Variants in CSDE1 observed in about 807,000 individuals in gnomAD.
The protein encoded by CSDE1 is cold shock domain-containing protein E1.
CSDE1 carries 17 observed loss-of-function variants against 89.3 expected under a neutral mutation model. The observed-to-expected ratio is 0.19, with a 90% confidence interval of 0.13 to 0.29. The LOEUF (loss-of-function observed/expected upper bound fraction) is 0.29. CSDE1 is among the 10% of genes least tolerant of loss of function. CSDE1 has a pLI of 1.00. For synonymous variants in CSDE1, 322 were observed against 332.8 expected, an observed-to-expected ratio of 0.97 and a Z score of 0.35; for missense variants, 672 against 984.2, an observed-to-expected ratio of 0.68 and a Z score of 4.24.
chr1:114,751,582 T>C (rs1345942015), intron 1 of CSDE1, among the ~76,000 whole-genome samples: 1 of 152,122 alleles, frequency 6.6e-6, no homozygotes, highest in Non-Finnish European at 1.5e-5. Context: ...CCTTCAAATA[T>C]CAAATGTTAC....
chr1:114,739,857 C>T lies in CSDE1; in HGVS notation c.34G>A (p.Gly12Arg). 6.2e-7 allele frequency: 1 copy of T among 1,614,032 alleles called. No homozygotes were observed. Among genetic ancestry groups the T allele is most frequent in the Non-Finnish European group, 8.5e-7 (1 of 1,179,972 alleles). ...SFDPNLLHNN[G>R]HNGYPNGTSA... ...GTACCATTAGGGTACCCATTATGTC[C>T]ATTGTTGTGGAGAAGGTTTGGATCA... is the stretch of plus-strand genomic sequence containing the variant. Residue 12 changes from glycine (G) to arginine (R), a missense_variant, in exon 3 of 20, where the codon GGA becomes AGA. Coordinates refer to ENST00000358528, the MANE Select transcript of CSDE1 (RefSeq NM_001007553.3).
At chr1:114,732,045 C>A (rs1660130911) in intron 10 of CSDE1, among the ~76,000 whole-genome samples, 1 of 150,422 alleles carries the variant, frequency 6.6e-6, no homozygotes, top group Admixed American at 6.6e-5. Context: ...GAACTCCTGA[C>A]CTCAAGTGAT....
chr1:114,750,851 A>G (rs796309571), intron 1 of CSDE1, among the ~76,000 whole-genome samples: 102 of 152,362 alleles, frequency 6.7e-4, no homozygotes, highest in African/African-American at 2.3e-3. Flanking sequence ...ATATGCCACT[A>G]AATTCTTTCT....
At chr1:114,742,935 TATA>T (rs1376716456) in intron 2 of CSDE1, among the ~76,000 whole-genome samples, 3 of 152,252 alleles carry the variant, frequency 2.0e-5, no homozygotes, top group Non-Finnish European at 4.4e-5. Context: ...GTAAACTTTT[TATA>T]ATATCCCTCA....
intron 2 of CSDE1, among the ~76,000 whole-genome samples, chr1:114,745,702 T>C (rs1425439205): frequency 6.6e-6 from 1 of 152,238 alleles, no homozygotes; most frequent in Non-Finnish European, 1.5e-5. Flanking sequence ...TTAGACCTTC[T>C]ACCCTTTTCT....
Position 114,717,201 on chromosome 1 carries a change from A to T in CSDE1, c.*968T>A, listed in dbSNP as rs1454079558. The T allele has an allele frequency of 6.6e-6, 1 of 152,562 alleles. No individual in the cohort carries two copies. Among genetic ancestry groups the T allele is most frequent in the Non-Finnish European group, 1.5e-5 (1 of 68,046 alleles). 9.5% of individuals were successfully genotyped at this position (152,562 alleles called of 1,614,324 possible). A position where few individuals can be genotyped will look rare whatever the true frequency, so the allele number is the denominator to read the frequency against. On this transcript the variant is annotated 3_prime_UTR_variant, in exon 20 of 20. Transcript: ENST00000358528. ...CAGACCCATCCATTCCCGTGATATA[A>T]AGTTGAACAGAAGCTACACCAAGGG...
chr1:114,746,314 T>C (rs1661007436), intron 2 of CSDE1, among the ~76,000 whole-genome samples: 1 of 152,194 alleles, frequency 6.6e-6, no homozygotes, highest in Non-Finnish European at 1.5e-5. Context: ...TGAAGTTTTA[T>C]AACTTTGTAA....
chr1:114,733,763 T>G lies in CSDE1; in HGVS notation c.806A>C (p.Lys269Thr). 6.2e-7 allele frequency: 1 copy of G among 1,613,838 alleles called. No individual in the cohort carries two copies. Among genetic ancestry groups the G allele is most frequent in the Non-Finnish European group, 8.5e-7 (1 of 1,179,928 alleles). ...TTTACTGGGTACTTTTGGGATAACT[T>G]TGGTTACAGTTCCTTCAAAATGTTC... ...SIEHFEGTVT[K>T]VIPKVPSKNQ... Residue 269 changes from lysine (K) to threonine (T), a missense_variant, in exon 9 of 20, where the codon AAA (lysine) becomes ACA (threonine). Around this residue, in one of 8 missense-constraint regions of CSDE1, gnomAD observed 169 missense variants for 262.9 expected, o/e 0.64. Coordinates refer to ENST00000358528, the MANE Select transcript of CSDE1 (RefSeq NM_001007553.3).
At chr1:114,733,128 G>A (rs570804088) in intron 9 of CSDE1, among the ~76,000 whole-genome samples, 2 of 152,318 alleles carry the variant, frequency 1.3e-5, no homozygotes, top group African/African-American at 4.8e-5. Flanking sequence ...GGCAGGGGCA[G>A]AGGAGGGAAC....
At chr1:114,730,183 C>T in intron 12 of CSDE1, 75 bp downstream of exon 12, 1 of 1,483,572 alleles carries the variant, frequency 6.7e-7, no homozygotes, top group South Asian at 1.3e-5. Context: ...ATTATATGTA[C>T]TCTATTACTA....
intron 7 of CSDE1, 100 bp downstream of exon 7, chr1:114,734,342 G>C: frequency 8.5e-7 from 1 of 1,170,244 alleles, no homozygotes; most frequent in Non-Finnish European, 1.2e-6. Flanking sequence ...TATTTTAAAA[G>C]GGTAAGATAA....
At chr1:114,721,325 C>T (rs1002652608) in intron 16 of CSDE1, among the ~76,000 whole-genome samples, 6 of 152,040 alleles carry the variant, frequency 3.9e-5, no homozygotes, top group South Asian at 2.1e-4. Flanking sequence ...GAGAAAGCAA[C>T]GAAAAACAAT....
intron 17 of CSDE1, among the ~76,000 whole-genome samples, 182 bp from the exon 18 acceptor site, chr1:114,719,924 T>C (rs528122028): frequency 6.6e-6 from 1 of 152,342 alleles, no homozygotes; most frequent in South Asian, 2.1e-4. Context: ...CCATTCACTA[T>C]ATCACAAACT....
At chr1:114,751,218 T>G (rs1002738684) in intron 1 of CSDE1, among the ~76,000 whole-genome samples, 1 of 152,180 alleles carries the variant, frequency 6.6e-6, no homozygotes. Flanking sequence ...GAAATAAAAT[T>G]TATTTATCAG....
At chr1:114,743,539 A>T (rs1019785066) in intron 2 of CSDE1, among the ~76,000 whole-genome samples, 2 of 152,220 alleles carry the variant, frequency 1.3e-5, no homozygotes, top group African/African-American at 4.8e-5. Flanking sequence ...CTATTAAACA[A>T]GAACACAATG....
At chr1:114,748,557 A>G (rs958616359) in intron 2 of CSDE1, 4 of 152,230 alleles carry the variant, frequency 2.6e-5, no homozygotes, top group South Asian at 2.1e-4. Flanking sequence ...ACATATTTTA[A>G]TATCAGTAAG....
In CSDE1 at chr1:114,745,397, G is replaced by A. The variant is rs184715430; in HGVS notation, c.-1+4424C>T. On this transcript the variant is annotated intron_variant, in intron 2 of 19. Transcript: ENST00000358528. ...TATGTGGTCATTGGAAACAATATGT[G>A]GAAAATGCTTATTCTGTAATAGGAA... Among the ~76,000 whole-genome samples the A allele has an allele frequency of 1.4e-3, 215 of 152,198 alleles. 1 individual carries two copies. The highest frequency in any genetic ancestry group is 2.2e-3 in the Non-Finnish European group (147 of 68,000).
chr1:114,725,474 A>G (rs926472521), intron 14 of CSDE1, 141 bp from the exon 15 acceptor site: 41 of 680,040 alleles, frequency 6.0e-5, no homozygotes, highest in Admixed American at 2.6e-4. Flanking sequence ...CTATGTATTG[A>G]CTCATTTAAT....
Position 114,718,099 on chromosome 1 carries a change from A to T in CSDE1, c.*70T>A. The T allele has an allele frequency of 1.3e-6, 2 of 1,539,522 alleles. No homozygotes were observed. Among genetic ancestry groups the T allele is most frequent in the Non-Finnish European group, 1.8e-6 (2 of 1,113,052 alleles). On this transcript the variant is annotated 3_prime_UTR_variant, in exon 20 of 20. Transcript: ENST00000358528. ...TTTCGGGAGGGATGAAGAGGGAGATATTCAGAACCCTTCACCAGATTCCCC... is the reference window on the plus strand; with the variant it reads ...TTTCGGGAGGGATGAAGAGGGAGATTTTCAGAACCCTTCACCAGATTCCCC...
Sources: allele counts gnomAD v4.1 joint callset (sites outside exome capture counted in the v4.1 genomes callset), GRCh38; gene constraint gnomAD v4.1.1; regional missense constraint gnomAD v4.1.1; transcripts MANE v1.5; gene names NCBI Gene and HGNC (gene_info 2026-07-23, HGNC 2026-07-21).